THSD7A: variants seen among roughly 807,000 people sequenced by gnomAD.
The protein encoded by THSD7A is thrombospondin type 1 domain containing 7A.
A neutral mutation model predicts 231.3 loss-of-function variants in THSD7A; 96 were observed. The observed-to-expected ratio is 0.41, with a 90% CI of 0.35 to 0.49. The LOEUF (loss-of-function observed/expected upper bound fraction) is 0.49, where lower values mean the gene tolerates loss of function less well. Among genes scored for constraint, THSD7A ranks in the 20% least tolerant of loss-of-function variants. The probability of loss-of-function intolerance (pLI) is 0.05; values close to 1 mark genes in which losing one functional copy is unlikely to be tolerated. For synonymous variants in THSD7A, 940 were observed against 743.3 expected (o/e 1.26, Z -4.30); for missense variants, 2,290 against 2,070.2 (o/e 1.11, Z -2.06).
In THSD7A at chr7:11,636,794, C is replaced by T. The variant is rs1369534409; in HGVS notation, c.358G>A (p.Glu120Lys). 6.2e-7 allele frequency: 1 copy of T among 1,613,886 alleles called. No individual in the cohort carries two copies. Among genetic ancestry groups the T allele is most frequent in the African/African-American group, 1.3e-5 (1 of 74,912 alleles). The change falls in exon 2 of 28, where the codon GAG becomes AAG. Residue 120 changes from glutamate to lysine, a missense_variant. Glu to Lys is a moderately conservative substitution (Grantham distance 56). Transcript: ENST00000423059. The surrounding 1 kb of genome is among the most constrained non-coding windows in gnomAD (Gnocchi z 10.0). ...NCFKVCDWHK[E>K]LYDWRLGPWN... The stretch of plus-strand genomic sequence containing the variant: ...GGTCCCAGTCTCCAGTCGTACAACT[C>T]TTTGTGCCAATCGCAAACTTTGAAA...
At chr7:11,810,080 C>A (rs1784491668) in intron 1 of THSD7A, among the ~76,000 whole-genome samples, 1 of 152,014 alleles carries the variant, frequency 6.6e-6, no homozygotes, top group Non-Finnish European at 1.5e-5. Flanking sequence ...AGAGACTGAT[C>A]AAGGAAATCA....
At chr7:11,745,220 T>C (rs2128162553) in intron 1 of THSD7A, among the ~76,000 whole-genome samples, 1 of 152,286 alleles carries the variant, frequency 6.6e-6, no homozygotes, top group South Asian at 2.1e-4. Flanking sequence ...TTCATGTGTC[T>C]TTTGGCTGCA....
intron 1 of THSD7A, among the ~76,000 whole-genome samples, chr7:11,660,060 T>TA (rs1373280466): frequency 2.0e-5 from 3 of 151,550 alleles, no homozygotes; most frequent in African/African-American, 7.3e-5. Flanking sequence ...CACAGATTTA[T>TA]AAAAAAGATA....
Position 11,378,889 on chromosome 7 carries a change from C to G in THSD7A, c.4801+181G>C, listed in dbSNP as rs182660676. Reference sequence around the variant, plus strand: ...TAATTTCATTTCTCTGAACTTCAAACATGAGTTATTTTCCATAATGATAGT... The same window carrying G: ...TAATTTCATTTCTCTGAACTTCAAAGATGAGTTATTTTCCATAATGATAGT... On this transcript the variant is annotated intron_variant, in intron 26 of 27. Transcript: ENST00000423059. 3,401 of 616,204 alleles carry G rather than the reference C, an allele frequency of 5.5e-3. 20 individuals are homozygous for G. The highest frequency in any genetic ancestry group is 7.1e-3 in the Admixed American group (227 of 31,814). The allele number at this position is 616,204 out of a possible 1,614,324, so 38.2% of individuals were successfully genotyped here.
chr7:11,666,981 G>T (rs996588492), intron 1 of THSD7A, among the ~76,000 whole-genome samples: 1 of 152,074 alleles, frequency 6.6e-6, no homozygotes, highest in Non-Finnish European at 1.5e-5. Context: ...GCACTCTTTA[G>T]TTTTTTTAAA....
At chr7:11,551,288 G>A (rs1368968669) in intron 4 of THSD7A, among the ~76,000 whole-genome samples, 1 of 152,054 alleles carries the variant, frequency 6.6e-6, no homozygotes, top group East Asian at 1.9e-4. Flanking sequence ...CCCCAGCAAA[G>A]ATTTCATGAC....
At chr7:11,551,565 A>G (rs1196609347) in intron 4 of THSD7A, among the ~76,000 whole-genome samples, 1 of 152,172 alleles carries the variant, frequency 6.6e-6, no homozygotes, top group African/African-American at 2.4e-5. Flanking sequence ...TCAAAAGAAG[A>G]CATACACATG....
At chr7:11,830,331 C>T (rs924503368) in intron 1 of THSD7A, among the ~76,000 whole-genome samples, 5 of 152,154 alleles carry the variant, frequency 3.3e-5, no homozygotes, top group Non-Finnish European at 7.4e-5. Context: ...ACTGACTTAC[C>T]TAAGAAGCTC....
intron 1 of THSD7A, among the ~76,000 whole-genome samples, chr7:11,662,053 G>C (rs1006415511): frequency 1.3e-5 from 2 of 150,692 alleles, no homozygotes; most frequent in African/African-American, 4.9e-5. Flanking sequence ...AGAAAGGAGA[G>C]AAAAAGATAC....
At chr7:11,412,897 G>C (rs1783833475) in intron 17 of THSD7A, 97 bp from the exon 18 acceptor site, 1 of 1,384,246 alleles carries the variant, frequency 7.2e-7, no homozygotes, top group Non-Finnish European at 9.8e-7. Context: ...GAACATTTGG[G>C]CCACTGGCTA....
chr7:11,562,260 C>T (rs1421281375), intron 4 of THSD7A, among the ~76,000 whole-genome samples: 10 of 149,414 alleles, frequency 6.7e-5, no homozygotes, highest in Non-Finnish European at 3.0e-5. Flanking sequence ...TAAAATTTTT[C>T]TAAATCATAA....
intron 4 of THSD7A, among the ~76,000 whole-genome samples, chr7:11,546,202 G>GCGCACA (rs761841418): frequency 3.1e-5 from 4 of 129,452 alleles, no homozygotes; most frequent in African/African-American, 1.1e-4. Flanking sequence ...GTGGGCGCGC[G>GCGCACA]CTCACACACA....
intron 6 of THSD7A, among the ~76,000 whole-genome samples, chr7:11,523,182 A>C (rs1788336732): frequency 6.6e-6 from 1 of 152,148 alleles, no homozygotes; most frequent in Non-Finnish European, 1.5e-5. Flanking sequence ...TCAAAGCATT[A>C]TATAAAAACG....
chr7:11,597,337 C>G (rs1277361894), intron 2 of THSD7A, among the ~76,000 whole-genome samples: 1 of 152,192 alleles, frequency 6.6e-6, no homozygotes, highest in African/African-American at 2.4e-5. Context: ...GGAGGGAACA[C>G]ATTCCTCAAC....
chr7:11,764,884 A>G (rs959789981), intron 1 of THSD7A, among the ~76,000 whole-genome samples: 1 of 152,078 alleles, frequency 6.6e-6, no homozygotes, highest in Non-Finnish European at 1.5e-5. Flanking sequence ...AAAACTATGA[A>G]AAATTAGGAT....
At chr7:11,408,324 AC>A (rs1201489126) in intron 19 of THSD7A, among the ~76,000 whole-genome samples, 4 of 151,908 alleles carry the variant, frequency 2.6e-5, no homozygotes, top group Admixed American at 6.6e-5. Context: ...GCGAAACCTC[AC>A]CTCTACTAAA....
Position 11,563,209 on chromosome 7 carries a change from A to G in THSD7A, c.1454-20092T>C, listed in dbSNP as rs147732803. Among the ~76,000 whole-genome samples the G allele has an allele frequency of 2.6e-5, 4 of 152,178 alleles. No homozygotes were observed. The East Asian group carries it at 5.8e-4, about 22-fold the overall frequency. ...ACCCCATCATACTTAAAAAAAATTTATAACACATTGTTTTCAAAGCTCATA... is the reference window on the plus strand; with the variant it reads ...ACCCCATCATACTTAAAAAAAATTTGTAACACATTGTTTTCAAAGCTCATA... On this transcript the variant is annotated intron_variant, in intron 4 of 27. Coordinates refer to ENST00000423059, the MANE Select transcript of THSD7A (RefSeq NM_015204.3).
At chr7:11,415,943 T>A (rs562381920) in intron 17 of THSD7A, among the ~76,000 whole-genome samples, 2 of 152,222 alleles carry the variant, frequency 1.3e-5, no homozygotes, top group Non-Finnish European at 2.9e-5. Flanking sequence ...AAAAATCTTT[T>A]CCAACCACGT....
chr7:11,710,160 C>T (rs1780903471), intron 1 of THSD7A, among the ~76,000 whole-genome samples: 1 of 150,556 alleles, frequency 6.6e-6, no homozygotes, highest in Non-Finnish European at 1.5e-5. Flanking sequence ...TAGGGTGAAG[C>T]CTAAGAATCT....
Sources: gnomAD v4.1 joint callset for allele counts (sites outside exome capture counted in the v4.1 genomes callset) on GRCh38, gnomAD v4.1.1 for gene constraint, Gnocchi (gnomAD v3.1) non-coding constraint, MANE v1.5 for transcripts, NCBI Gene and HGNC (gene_info 2026-07-23, HGNC 2026-07-21) for gene names.